SP100: variants seen among roughly 807,000 people sequenced by gnomAD.
The protein encoded by SP100 is SP100 nuclear body protein.
Under a neutral mutation model 130.0 loss-of-function variants are expected in SP100, and 84 were observed. The ratio of observed to expected loss-of-function variants is 0.65; its 90% CI spans 0.54 to 0.77. The LOEUF is 0.77. Ranked by LOEUF, SP100 falls within the 30% of genes least tolerant of loss-of-function variation. The pLI is 0.00. For missense variants in SP100, 978 were observed against 1,052.2 expected (o/e 0.93, Z 0.97); for synonymous variants, 331 against 351.7 (o/e 0.94, Z 0.66).
intron 24 of SP100, among the ~76,000 whole-genome samples, chr2:230,531,752 G>A (rs540446976): frequency 1.3e-5 from 2 of 152,188 alleles, no homozygotes; most frequent in Non-Finnish European, 2.9e-5. Context: ...TACCTAAAGT[G>A]AGTTTCTAAA....
At position 230,498,381 on chromosome 2, in the gene SP100, A is replaced by T. The variant is rs2066815742; in HGVS notation, c.1646-80A>T. The T allele has an allele frequency of 9.2e-6, 7 of 762,424 alleles. No homozygotes were observed. The South Asian group carries it at 1.7e-4, about 18-fold the overall frequency. 47.2% of individuals were successfully genotyped at this position (762,424 alleles called of 1,614,324 possible). ...GTTAGGCTCTGGAAAAGTTATAGCT[A>T]AATAAAATTTTTGAAAGCACTATTA... is the stretch of plus-strand genomic sequence containing the variant. On this transcript the variant is annotated intron_variant, in intron 18 of 28. Coordinates refer to ENST00000340126, the MANE Select transcript of SP100 (RefSeq NM_001080391.2).
intron 2 of SP100, among the ~76,000 whole-genome samples, chr2:230,438,648 TACACACACACACAC>T (rs796889943): frequency 3.1e-5 from 4 of 127,402 alleles, no homozygotes; most frequent in Admixed American, 8.2e-5. Context: ...TGTATATATA[TACACACACACACAC>T]ACACACACAC....
chr2:230,416,469 A>C (rs1401065737), intron 1 of SP100, 141 bp downstream of exon 1: 1 of 754,574 alleles, frequency 1.3e-6, no homozygotes, highest in Non-Finnish European at 2.1e-6. Flanking sequence ...TAATGAAATG[A>C]AAGACAAGTA....
chr2:230,503,400 AT>A (rs898935343), intron 20 of SP100, among the ~76,000 whole-genome samples: 5 of 152,208 alleles, frequency 3.3e-5, no homozygotes, highest in African/African-American at 1.2e-4. Context: ...ACATGTGACA[AT>A]TTGATACTTT....
intron 24 of SP100, among the ~76,000 whole-genome samples, 194 bp downstream of exon 24, chr2:230,511,360 T>A (rs545489356): frequency 6.6e-6 from 1 of 152,148 alleles, no homozygotes; most frequent in Non-Finnish European, 1.5e-5. Context: ...TTTGTTTCAG[T>A]AGAAATCTTC....
At chr2:230,439,455 G>A (rs2063399200) in intron 2 of SP100, among the ~76,000 whole-genome samples, 1 of 152,118 alleles carries the variant, frequency 6.6e-6, no homozygotes, top group Non-Finnish European at 1.5e-5. Flanking sequence ...CCATTTGCTT[G>A]TGGCATCTGT....
chr2:230,496,531 CA>C (rs1383657748), intron 18 of SP100, among the ~76,000 whole-genome samples: 1 of 151,720 alleles, frequency 6.6e-6, no homozygotes, highest in African/African-American at 2.4e-5. Flanking sequence ...TAGGTTGGTG[CA>C]AAAGTAATTG....
intron 27 of SP100, 23 bp from the exon 28 acceptor site, chr2:230,541,869 C>T (rs1692193902): frequency 2.5e-6 from 4 of 1,610,008 alleles, no homozygotes; most frequent in South Asian, 1.1e-5. Context: ...CTGATAGCCT[C>T]ATTTTGGTCT....
At chr2:230,420,369 T>C (rs2062733515) in intron 2 of SP100, among the ~76,000 whole-genome samples, 1 of 152,194 alleles carries the variant, frequency 6.6e-6, no homozygotes, top group Admixed American at 6.5e-5. Context: ...CTGTATACTT[T>C]TCTTTTTCTT....
intron 5 of SP100, 92 bp downstream of exon 5, chr2:230,446,994 G>T: frequency 2.7e-6 from 2 of 736,000 alleles, no homozygotes; most frequent in South Asian, 1.7e-5. Context: ...ACATATGGAA[G>T]GACTATGGAG....
At chr2:230,515,167 T>C in intron 24 of SP100, 6 of 1,613,610 alleles carry the variant, frequency 3.7e-6, no homozygotes, top group South Asian at 1.1e-5. Context: ...CTCAGAGACA[T>C]GGAAGACCAT....
intron 10 of SP100, 102 bp from the exon 11 acceptor site, chr2:230,463,965 G>T (rs143519557): frequency 1.0e-4 from 80 of 768,424 alleles, no homozygotes; most frequent in Non-Finnish European, 1.6e-4. Flanking sequence ...GACTTGCACG[G>T]ATTTTCAAGG....
intron 21 of SP100, 121 bp downstream of exon 21, chr2:230,504,411 G>A: frequency 1.7e-6 from 1 of 589,406 alleles, no homozygotes. Flanking sequence ...TTGAAGATTT[G>A]CTAGGAGCTT....
chr2:230,459,503 C>A (rs1308110733), intron 8 of SP100, among the ~76,000 whole-genome samples: 1 of 152,198 alleles, frequency 6.6e-6, no homozygotes, highest in Admixed American at 6.5e-5. Flanking sequence ...CAGCTCAGAC[C>A]TGTCCTGTTG....
chr2:230,467,703 G>A (rs909471573), intron 13 of SP100, among the ~76,000 whole-genome samples: 5 of 152,094 alleles, frequency 3.3e-5, no homozygotes, highest in Non-Finnish European at 5.9e-5. Flanking sequence ...ATTCAATTAC[G>A]TGCCACCAGG....
At position 230,500,879 on chromosome 2, in the gene SP100, C is replaced by T. The variant is rs114941085; in HGVS notation, c.1721-2187C>T. ...GCAATTTTACCTGAGAGACAAGGAACGAGTGGTAAGAAAGCTTCATCTAAT... is the reference window on the plus strand; with the variant it reads ...GCAATTTTACCTGAGAGACAAGGAATGAGTGGTAAGAAAGCTTCATCTAAT... On this transcript the variant is annotated intron_variant, in intron 19 of 28. Coordinates refer to ENST00000340126, the MANE Select transcript of SP100 (RefSeq NM_001080391.2). 2.7e-3 allele frequency among the ~76,000 whole-genome samples: 414 copies of T among 152,254 alleles called. 4 individuals carry two copies. Among genetic ancestry groups the T allele is most frequent in the African/African-American group, 9.3e-3 (387 of 41,550 alleles).
intron 20 of SP100, among the ~76,000 whole-genome samples, chr2:230,503,924 G>A (rs1408035773): frequency 6.6e-6 from 1 of 152,154 alleles, no homozygotes; most frequent in Non-Finnish European, 1.5e-5. Flanking sequence ...TGTGATAGGT[G>A]GATATGACCA....
rs577872354 is a variant in SP100 at position 230,445,856 on chromosome 2, C to T, written c.440-963C>T. Among the ~76,000 whole-genome samples, 41 of 152,218 alleles carry T rather than the reference C, an allele frequency of 2.7e-4. 1 individual carries two copies. The South Asian group carries it at 8.3e-3, about 31-fold the overall frequency. ...GTCTTAGTTTCTGGCGCTCCTTGTG[C>T]TTGGGTGACCTGCCCTGAGGCTCAC... On this transcript the variant is annotated intron_variant, in intron 4 of 28. Transcript: ENST00000340126.
rs757953971 is a variant in SP100, at chr2:230,498,519, A to T, written c.1704A>T (p.Lys568Asn). 3 of 1,502,620 alleles carry T rather than the reference A, an allele frequency of 2.0e-6. No individual in the cohort carries two copies. In the South Asian group the frequency reaches 4.1e-5, roughly 20 times the overall value. The allele number at this position is 1,502,620 out of a possible 1,614,324, so 93.1% of individuals were successfully genotyped here. The change falls in exon 19 of 29, where the codon AAA becomes AAT. Residue 568 changes from lysine to asparagine, a missense_variant. Coordinates refer to ENST00000340126, the MANE Select transcript of SP100 (RefSeq NM_001080391.2). ...CTCTGAATAACAAAGTCCAAAAGAA[A>T]AGATGGCAACAAAGAGGTAAAAAAA... ...HLTLNNKVQK[K>N]RWQQRGRKAN... is the part of the protein sequence containing the mutation.
Sources: gnomAD v4.1 joint callset for allele counts (sites outside exome capture counted in the v4.1 genomes callset) on GRCh38, gnomAD v4.1.1 for gene constraint, MANE v1.5 for transcripts, NCBI Gene and HGNC (gene_info 2026-07-23, HGNC 2026-07-21) for gene names.